Variants in NCOA1 observed in about 807,000 individuals in gnomAD.
NCOA1 encodes Hin-2 protein.
In NCOA1, 35 loss-of-function variants were observed where a neutral mutation model predicts 150.9. That is an observed-to-expected ratio of 0.23 (90% CI 0.18 to 0.31). The LOEUF is 0.31. Among genes scored for constraint, NCOA1 ranks in the 10% least tolerant of loss-of-function variants. The pLI, the probability that NCOA1 is intolerant of heterozygous loss-of-function variation, is 1.00. For synonymous variants in NCOA1, 590 were observed against 630.0 expected, an observed-to-expected ratio of 0.94 and a Z score of 0.95; for missense variants, 1,491 against 1,749.3, an observed-to-expected ratio of 0.85 and a Z score of 2.63.
chr2:24,504,850 T>C (rs902547975), intron 1 of NCOA1, among the ~76,000 whole-genome samples: 12 of 152,248 alleles, frequency 7.9e-5, no homozygotes, highest in African/African-American at 2.7e-4. Context: ...AGGGCTTAGA[T>C]ACTTTTGGAG....
chr2:24,626,250 C>T (rs1410965941), intron 3 of NCOA1, among the ~76,000 whole-genome samples: 2 of 152,128 alleles, frequency 1.3e-5, no homozygotes, highest in Admixed American at 1.3e-4. Flanking sequence ...TATGGAAAGG[C>T]ACTGTTGAGT....
At chr2:24,618,368 C>G (rs1266105571) in intron 3 of NCOA1, among the ~76,000 whole-genome samples, 1 of 152,200 alleles carries the variant, frequency 6.6e-6, no homozygotes, top group Admixed American at 6.5e-5. Context: ...TCTTCACTTG[C>G]TTCACTGTTC....
At chr2:24,518,535 C>T (rs1215488649) in intron 1 of NCOA1, among the ~76,000 whole-genome samples, 1 of 151,596 alleles carries the variant, frequency 6.6e-6, no homozygotes, top group Non-Finnish European at 1.5e-5. Context: ...TCCAGATTGG[C>T]AAGGAAGAAG....
rs773857143 is a variant in NCOA1 at position 24,765,896 on chromosome 2, C to CTTTTTTTTTTTTTTTTTTTTTTTTTTT, written c.4156-2306_4156-2305insTTTTTTTTTTTTTTTTTTTTTTTTTTT. Among the ~76,000 whole-genome samples, 2 of 128,036 alleles carry CTTTTTTTTTTTTTTTTTTTTTTTTTTT rather than the reference C, an allele frequency of 1.6e-5. 1 individual carries two copies. Among genetic ancestry groups the CTTTTTTTTTTTTTTTTTTTTTTTTTTT allele is most frequent in the African/African-American group, 5.8e-5 (2 of 34,220 alleles). The allele number at this position is 128,036 out of a possible 152,430, so 84.0% of individuals were successfully genotyped here. On this transcript the variant is annotated intron_variant, in intron 22 of 22. Transcript: ENST00000348332. Reference sequence around the variant, plus strand: ...AGTTTTCTGTAATTTCAATAATACACTTTTTTTTTTTTTTTTTTTGAGACG... The same window carrying CTTTTTTTTTTTTTTTTTTTTTTTTTTT: ...AGTTTTCTGTAATTTCAATAATACACTTTTTTTTTTTTTTTTTTTTTTTTTTTTTTTTTTTTTTTTTTTTTTGAGACG...
chr2:24,737,220 T>C (rs139681687), intron 17 of NCOA1, among the ~76,000 whole-genome samples: 29 of 152,224 alleles, frequency 1.9e-4, no homozygotes, highest in African/African-American at 6.7e-4. Flanking sequence ...ACCTACTTGT[T>C]GAAAAACAAA....
At chr2:24,629,027 A>T (rs1669556239) in intron 3 of NCOA1, among the ~76,000 whole-genome samples, 1 of 152,150 alleles carries the variant, frequency 6.6e-6, no homozygotes, top group African/African-American at 2.4e-5. Flanking sequence ...TAGTGTAAAA[A>T]TTTAAAGGGT....
intron 3 of NCOA1, among the ~76,000 whole-genome samples, chr2:24,626,151 A>G (rs2148419334): frequency 6.6e-6 from 1 of 152,294 alleles, no homozygotes; most frequent in South Asian, 2.1e-4. Flanking sequence ...TATTTAATTT[A>G]GTCACTTTCC....
intron 1 of NCOA1, among the ~76,000 whole-genome samples, chr2:24,555,342 G>A (rs1416085664): frequency 1.3e-5 from 2 of 151,912 alleles, no homozygotes; most frequent in East Asian, 1.9e-4. Context: ...TTGATTTTAA[G>A]TATTTTAAAT....
At chr2:24,746,851 C>CT (rs1030770010) in intron 19 of NCOA1, among the ~76,000 whole-genome samples, 114 of 152,202 alleles carry the variant, frequency 7.5e-4, no homozygotes, top group African/African-American at 2.7e-3. Flanking sequence ...GTAATGTAAC[C>CT]TATAGACTCT....
At chr2:24,715,285 AAAT>A (rs1673967512) in intron 14 of NCOA1, among the ~76,000 whole-genome samples, 1 of 152,212 alleles carries the variant, frequency 6.6e-6, no homozygotes, top group Admixed American at 6.5e-5. Flanking sequence ...TTTAAATGAA[AAAT>A]AACTGTTTAA....
At chr2:24,728,940 A>G (rs1220956587) in intron 16 of NCOA1, among the ~76,000 whole-genome samples, 2 of 152,240 alleles carry the variant, frequency 1.3e-5, no homozygotes, top group Non-Finnish European at 2.9e-5. Flanking sequence ...AAAAGAAGTC[A>G]TGTTTTGTGA....
intron 14 of NCOA1, among the ~76,000 whole-genome samples, chr2:24,713,682 ATC>A (rs576999310): frequency 6.6e-6 from 1 of 152,316 alleles, no homozygotes; most frequent in South Asian, 2.1e-4. Context: ...TGAGACTGTG[ATC>A]TCTCTGAGAA....
At chr2:24,516,113 T>A (rs1300881868) in intron 1 of NCOA1, among the ~76,000 whole-genome samples, 2 of 151,232 alleles carry the variant, frequency 1.3e-5, no homozygotes, top group Non-Finnish European at 3.0e-5. Flanking sequence ...CTGCATGTTA[T>A]AAAGGCACAA....
In NCOA1 at chr2:24,728,586, A is replaced by C. The variant is rs368521760; in HGVS notation, c.2886+110A>C. ...CCCACTATGCTTTAGCTGTTTTATA[A>C]TTTACCTCTTGTGAAACTTATCAAA... On this transcript the variant is annotated intron_variant, in intron 16 of 22. Coordinates refer to ENST00000348332, the MANE Select transcript of NCOA1 (RefSeq NM_003743.5). 6.9e-6 allele frequency: 6 copies of C among 870,382 alleles called. No individual in the cohort carries two copies. In the South Asian group the frequency reaches 8.1e-5, roughly 12 times the overall value. The allele number at this position is 870,382 out of a possible 1,614,324, so 53.9% of individuals were successfully genotyped here.
In NCOA1 at chr2:24,748,386, C is replaced by T. The variant is rs534803900; in HGVS notation, c.3707-3596C>T. ...CAGCACTTTGGGAGGCCGAGGCAGGCGGATCACAAGGTCAGGAGATCAAGA... is the reference window on the plus strand; with the variant it reads ...CAGCACTTTGGGAGGCCGAGGCAGGTGGATCACAAGGTCAGGAGATCAAGA... On this transcript the variant is annotated intron_variant, in intron 19 of 22. Transcript: ENST00000348332. 7.9e-5 allele frequency among the ~76,000 whole-genome samples: 12 copies of T among 152,054 alleles called. No homozygotes were observed. In the South Asian group the frequency reaches 1.7e-3, roughly 21 times the overall value.
intron 3 of NCOA1, among the ~76,000 whole-genome samples, chr2:24,626,165 T>C (rs1669398571): frequency 6.6e-6 from 1 of 152,196 alleles, no homozygotes; most frequent in Non-Finnish European, 1.5e-5. Flanking sequence ...ACTTTCCTCA[T>C]GTATATTTAA....
chr2:24,747,965 G>C (rs1423079618), intron 19 of NCOA1, among the ~76,000 whole-genome samples: 1 of 152,248 alleles, frequency 6.6e-6, no homozygotes, highest in East Asian at 1.9e-4. Context: ...AAGTAGCTGG[G>C]CGTGGTGGCG....
chr2:24,642,007 CGTGTGT>C (rs58991961), intron 3 of NCOA1, among the ~76,000 whole-genome samples: 482 of 144,798 alleles, frequency 3.3e-3, no homozygotes, highest in Non-Finnish European at 4.7e-3. Flanking sequence ...TTACAGAGGG[CGTGTGT>C]GTGTGTGTGT....
At chr2:24,528,938 G>A (rs949324908) in intron 1 of NCOA1, among the ~76,000 whole-genome samples, 8 of 151,964 alleles carry the variant, frequency 5.3e-5, no homozygotes, top group South Asian at 2.1e-4. Flanking sequence ...CCAGGCTGGA[G>A]TGCAGTGGCG....
Sources: allele counts gnomAD v4.1 joint callset (sites outside exome capture counted in the v4.1 genomes callset), GRCh38; gene constraint gnomAD v4.1.1; transcripts MANE v1.5; gene names NCBI Gene and HGNC (gene_info 2026-07-23, HGNC 2026-07-21).